The following TBRG1 variants were observed in gnomAD, a reference collection of about 807,000 sequenced individuals.
The protein encoded by TBRG1 is transforming growth factor beta regulator 1.
A neutral mutation model predicts 44.0 loss-of-function variants in TBRG1; 31 were observed. The observed-to-expected ratio is 0.70, with a 90% confidence interval of 0.53 to 0.95. TBRG1 has a LOEUF of 0.95. Among genes scored for constraint, TBRG1 ranks in the 40% least tolerant of loss-of-function variants. The pLI is 0.00. For missense variants in TBRG1, 487 were observed against 496.1 expected (o/e 0.98, Z 0.18); for synonymous variants, 171 against 188.1 (o/e 0.91, Z 0.74).
At chr11:124,624,838 C>CT in intron 1 of TBRG1, 93 bp from the exon 2 acceptor site, 2 of 848,208 alleles carry the variant, frequency 2.4e-6, no homozygotes, top group Non-Finnish European at 3.8e-6. Context: ...GTAATACAAG[C>CT]TTTTTTGGTT....
rs1324513782 is a variant in TBRG1, at chr11:124,634,196, TG to T, written c.*1960del. 2.0e-5 allele frequency: 3 copies of T among 152,042 alleles called. No homozygotes were observed. Among genetic ancestry groups the T allele is most frequent in the Non-Finnish European group, 2.9e-5 (2 of 68,056 alleles). 9.4% of individuals were successfully genotyped at this position (152,042 alleles called of 1,614,324 possible). On this transcript the variant is annotated 3_prime_UTR_variant, in exon 9 of 9. Coordinates refer to ENST00000441174, the MANE Select transcript of TBRG1 (RefSeq NM_032811.3). Reference sequence around the variant, plus strand: ...AAAAATACAAAAAATTAGCCAGGCGTGGTGGCACGCGCCTGTAGTCCCAGCT... The same window carrying T: ...AAAAATACAAAAAATTAGCCAGGCGTGTGGCACGCGCCTGTAGTCCCAGCT...
At chr11:124,628,118 C>G (rs3017330) in intron 5 of TBRG1, among the ~76,000 whole-genome samples, 2 of 45,466 alleles carry the variant, frequency 4.4e-5, no homozygotes, top group Admixed American at 2.4e-4. Flanking sequence ...TATATATATA[C>G]ACACACACAC....
In TBRG1 at chr11:124,623,227, G is replaced by C; in HGVS notation, c.144G>C (p.Thr48=). The C allele has an allele frequency of 1.9e-6, 3 of 1,551,490 alleles. No homozygotes were observed. The highest frequency in any genetic ancestry group is 2.6e-6 in the Non-Finnish European group (3 of 1,147,008). ...YLRLRKAAKA[T]VFENAAICDE... is the part of the protein sequence containing the mutation. ...GGCTGCGCAAAGCGGCCAAGGCCACGGTGTTTGTGAGTCTGACCCACGTTC... is the reference window on the plus strand; with the variant it reads ...GGCTGCGCAAAGCGGCCAAGGCCACCGTGTTTGTGAGTCTGACCCACGTTC... The change falls in exon 1 of 9, where the codon ACG becomes ACC. Residue 48 remains threonine, a synonymous_variant. Coordinates refer to ENST00000441174, the MANE Select transcript of TBRG1 (RefSeq NM_032811.3).
chr11:124,629,018 A>C (rs1488228665), intron 5 of TBRG1, among the ~76,000 whole-genome samples: 2 of 152,252 alleles, frequency 1.3e-5, no homozygotes, highest in African/African-American at 4.8e-5. Flanking sequence ...TTTATACATT[A>C]GTACTAACAA....
chr11:124,624,068 T>TA (rs1436500675), intron 1 of TBRG1, among the ~76,000 whole-genome samples: 4 of 152,210 alleles, frequency 2.6e-5, no homozygotes, highest in Non-Finnish European at 5.9e-5. Flanking sequence ...CAGCACTTGC[T>TA]ATGTGTATTG....
At chr11:124,625,316 A>G (rs1038863037) in intron 2 of TBRG1, among the ~76,000 whole-genome samples, 4 of 152,258 alleles carry the variant, frequency 2.6e-5, no homozygotes, top group African/African-American at 9.6e-5. Context: ...CCAAGTGATA[A>G]AAGCAACTGC....
chr11:124,629,614 T>A (rs1942565692), intron 5 of TBRG1, among the ~76,000 whole-genome samples: 1 of 152,210 alleles, frequency 6.6e-6, no homozygotes, highest in Admixed American at 6.5e-5. Context: ...CAGTAAAAAT[T>A]GCTTTGACTT....
rs777786955 is a variant in TBRG1, at chr11:124,625,923, T to C, written c.454+20T>C. On this transcript the variant is annotated intron_variant, in intron 3 of 8. Coordinates refer to ENST00000441174, the MANE Select transcript of TBRG1 (RefSeq NM_032811.3). Reference sequence around the variant, plus strand: ...TGGAAGGTACTTTGGGGAGATGATATCAGTTGCCCCAGTGACTCACCTACT... The same window carrying C: ...TGGAAGGTACTTTGGGGAGATGATACCAGTTGCCCCAGTGACTCACCTACT... 13 of 1,540,096 alleles carry C rather than the reference T, an allele frequency of 8.4e-6. No homozygotes were observed. The highest frequency in any genetic ancestry group is 6.4e-5 in the Admixed American group (3 of 47,020).
chr11:124,628,039 GTTCCAACTAACGTCAAGTAGCTGTT>G (rs2134329930), intron 5 of TBRG1, among the ~76,000 whole-genome samples: 2 of 126,902 alleles, frequency 1.6e-5, no homozygotes, highest in East Asian at 5.3e-4. Flanking sequence ...TTCAAATTTT[GTTCCAACTAACGTCAAGTAGCTGTT>G]TTATATATAT....
In TBRG1 at chr11:124,623,092, G is replaced by A. The variant is rs973920332; in HGVS notation, c.9G>A (p.Leu3=). 1.3e-6 allele frequency: 2 copies of A among 1,549,164 alleles called. No homozygotes were observed. The highest frequency in any genetic ancestry group is 1.7e-6 in the Non-Finnish European group (2 of 1,146,138). MS[L]LDGLASSPRA... is the part of the protein sequence containing the mutation. ...CGTAGCGGGGCTGGACCATGAGCCT[G>A]CTGGACGGCCTCGCTTCCTCGCCGC... Residue 3 remains leucine (L), a synonymous_variant, in exon 1 of 9, where the codon CTG becomes CTA. Coordinates refer to ENST00000441174, the MANE Select transcript of TBRG1 (RefSeq NM_032811.3).
At chr11:124,630,528 T>C in intron 6 of TBRG1, 43 bp downstream of exon 6, 1 of 1,414,738 alleles carries the variant, frequency 7.1e-7, no homozygotes, top group Admixed American at 1.7e-5. Flanking sequence ...AAGATCACTG[T>C]TGGTACAGTG....
chr11:124,632,880 T>C lies in TBRG1; in HGVS notation c.*642T>C, dbSNP rs1362988109. The C allele has an allele frequency of 6.6e-6, 1 of 152,156 alleles. No individual in the cohort carries two copies. Among genetic ancestry groups the C allele is most frequent in the Non-Finnish European group, 1.5e-5 (1 of 68,028 alleles). The allele number at this position is 152,156 out of a possible 1,614,324, so 9.4% of individuals were successfully genotyped here. A position where few individuals can be genotyped will look rare whatever the true frequency, so the allele number is the denominator to read the frequency against. ...ATTTTGGGGACATATAAACATTAAGTCTGTAGTAGCAGCAGCTGACTAACG... is the reference window on the plus strand; with the variant it reads ...ATTTTGGGGACATATAAACATTAAGCCTGTAGTAGCAGCAGCTGACTAACG... On this transcript the variant is annotated 3_prime_UTR_variant, in exon 9 of 9. Transcript: ENST00000441174.
At chr11:124,627,675 G>A (rs1036586370) in intron 5 of TBRG1, among the ~76,000 whole-genome samples, 2 of 152,124 alleles carry the variant, frequency 1.3e-5, no homozygotes, top group African/African-American at 4.8e-5. Flanking sequence ...GAACCTTTGA[G>A]CAGAAGCTGG....
In TBRG1 at chr11:124,622,959, A is replaced by C; in HGVS notation, c.-125A>C. 2 of 1,103,978 alleles carry C rather than the reference A, an allele frequency of 1.8e-6. No homozygotes were observed. The highest frequency in any genetic ancestry group is 2.5e-6 in the Non-Finnish European group (2 of 797,250). 68.4% of individuals were successfully genotyped at this position (1,103,978 alleles called of 1,614,324 possible). ...GCGGTCAGCCCTGGGAACGTCCCGG[A>C]GAGCTAGATTCCTAGAGGCCCGATT... On this transcript the variant is annotated 5_prime_UTR_variant, in exon 1 of 9. Transcript: ENST00000441174.
At position 124,635,536 on chromosome 11, in the gene TBRG1, CAT is replaced by C. The variant is rs1942711211; in HGVS notation, c.*3300_*3301del. 6.6e-6 allele frequency: 1 copy of C among 152,038 alleles called. No individual in the cohort carries two copies. The highest frequency in any genetic ancestry group is 1.9e-4 in the East Asian group (1 of 5,180). The allele number at this position is 152,038 out of a possible 1,614,324, so 9.4% of individuals were successfully genotyped here. A position where few individuals can be genotyped will look rare whatever the true frequency, so the allele number is the denominator to read the frequency against. On this transcript the variant is annotated 3_prime_UTR_variant, in exon 9 of 9. Transcript: ENST00000441174. ...TAAAAAGTTCCTAAATTGGGGGAAA[CAT>C]AGTGAATTCCACATAATGTTTTAAA...
chr11:124,631,816 T>C (rs1942617397), intron 8 of TBRG1: 1 of 446,884 alleles, frequency 2.2e-6, no homozygotes, highest in African/African-American at 2.0e-5. Context: ...TGATCAAGGG[T>C]TCAGGCTTTG....
rs1302263333 is a variant in TBRG1, at chr11:124,633,964, T to C, written c.*1726T>C. 1 of 152,244 alleles carries C rather than the reference T, an allele frequency of 6.6e-6. No individual in the cohort carries two copies. The highest frequency in any genetic ancestry group is 6.5e-5 in the Admixed American group (1 of 15,284). The allele number at this position is 152,244 out of a possible 1,614,324, so 9.4% of individuals were successfully genotyped here. On this transcript the variant is annotated 3_prime_UTR_variant, in exon 9 of 9. Transcript: ENST00000441174. Reference sequence around the variant, plus strand: ...ACTGGTTTTTCAGCTATAATGCATATACAACTATAGTGTGTACGTATACCA... The same window carrying C: ...ACTGGTTTTTCAGCTATAATGCATACACAACTATAGTGTGTACGTATACCA...
Position 124,635,838 on chromosome 11 carries a change from A to G in TBRG1, c.*3600A>G, listed in dbSNP as rs1156296803. On this transcript the variant is annotated 3_prime_UTR_variant, in exon 9 of 9. Coordinates refer to ENST00000441174, the MANE Select transcript of TBRG1 (RefSeq NM_032811.3). ...ATTTATTTCCAACTTCTTATAGGTA[A>G]CATAATTTTCAGACAATGTTAGCTG... is the stretch of plus-strand genomic sequence containing the variant. 5 of 152,236 alleles carry G rather than the reference A, an allele frequency of 3.3e-5. No homozygotes were observed. The highest frequency in any genetic ancestry group is 1.2e-4 in the African/African-American group (5 of 41,476). 9.4% of individuals were successfully genotyped at this position (152,236 alleles called of 1,614,324 possible). A position where few individuals can be genotyped will look rare whatever the true frequency, so the allele number is the denominator to read the frequency against.
In TBRG1 at chr11:124,625,798, G is replaced by A; in HGVS notation, c.349G>A (p.Gly117Arg). The A allele has an allele frequency of 6.3e-7, 1 of 1,582,152 alleles. No individual in the cohort carries two copies. Among genetic ancestry groups the A allele is most frequent in the South Asian group, 1.2e-5 (1 of 86,616 alleles). The stretch of plus-strand genomic sequence containing the variant: ...GGCCAGCTCTGTGGGAACTATACAG[G>A]GAGCTGGGCCTATTTCAGGGCCCAG... Reference protein sequence around the residue: ...GVASSVGTIQGAGPISGPSTG... With the variant: ...GVASSVGTIQRAGPISGPSTG... Residue 117 changes from glycine (G) to arginine (R), a missense_variant, in exon 3 of 9, where the codon GGA becomes AGA. Transcript: ENST00000441174.
Sources: gnomAD v4.1 joint callset for allele counts (sites outside exome capture counted in the v4.1 genomes callset) on GRCh38, gnomAD v4.1.1 for gene constraint, MANE v1.5 for transcripts, NCBI Gene and HGNC (gene_info 2026-07-23, HGNC 2026-07-21) for gene names.